Variants in GDAP1 observed in about 807,000 individuals in gnomAD.
GDAP1 encodes ganglioside-induced differentiation-associated protein 1.
GDAP1 carries 34 observed loss-of-function variants against 40.1 expected under a neutral mutation model. The ratio of observed to expected loss-of-function variants is 0.85; its 90% CI spans 0.64 to 1.13. The LOEUF is 1.13. GDAP1 is among the 50% of genes most tolerant of loss of function. The pLI is 0.00. For missense variants in GDAP1, 374 were observed against 433.7 expected, an observed-to-expected ratio of 0.86 and a Z score of 1.22; for synonymous variants, 170 against 157.4, an observed-to-expected ratio of 1.08 and a Z score of -0.60.
At chr8:74,463,277 C>A (rs1421104678) in intron 2 of GDAP1, among the ~76,000 whole-genome samples, 1 of 140,790 alleles carries the variant, frequency 7.1e-6, no homozygotes, top group Non-Finnish European at 1.5e-5. Flanking sequence ...CATAGGGAGA[C>A]CCCATATGTA....
chr8:74,454,813 T>C (rs1025134316), intron 2 of GDAP1, among the ~76,000 whole-genome samples: 1 of 149,646 alleles, frequency 6.7e-6, no homozygotes, highest in African/African-American at 2.5e-5. Context: ...ACTACTTAGA[T>C]CAAATTAAAT....
In GDAP1 at chr8:74,351,478, G is replaced by T; in HGVS notation, c.310+12G>T. 2 of 1,590,910 alleles carry T rather than the reference G, an allele frequency of 1.3e-6. No individual in the cohort carries two copies. The highest frequency in any genetic ancestry group is 8.6e-7 in the Non-Finnish European group (1 of 1,158,848). On this transcript the variant is annotated intron_variant, in intron 2 of 5. Transcript: ENST00000220822. Reference sequence around the variant, plus strand: ...GACTTTCCTGGATGGTAATGTTAAGGCTACTTGCGATTTCTTGGATTTACT... The same window carrying T: ...GACTTTCCTGGATGGTAATGTTAAGTCTACTTGCGATTTCTTGGATTTACT...
At chr8:74,406,272 A>G (rs1805639631) in intron 2 of GDAP1, among the ~76,000 whole-genome samples, 1 of 150,346 alleles carries the variant, frequency 6.7e-6, no homozygotes, top group Non-Finnish European at 1.5e-5. Flanking sequence ...TGTTGAGAAT[A>G]TTTGTGGTTC....
At chr8:74,418,050 G>A (rs995654014) in intron 2 of GDAP1, among the ~76,000 whole-genome samples, 1 of 152,174 alleles carries the variant, frequency 6.6e-6, no homozygotes, top group Non-Finnish European at 1.5e-5. Context: ...GCCTAGATAA[G>A]TGGAGAGACA....
At chr8:74,446,468 C>A (rs911357747) in intron 2 of GDAP1, among the ~76,000 whole-genome samples, 54 of 152,024 alleles carry the variant, frequency 3.6e-4, no homozygotes, top group African/African-American at 1.2e-3. Context: ...CATGAAGCAC[C>A]CCTTGAGAGA....
intron 2 of GDAP1, among the ~76,000 whole-genome samples, chr8:74,459,480 A>G (rs1016417280): frequency 2.6e-5 from 4 of 152,190 alleles, no homozygotes; most frequent in African/African-American, 9.7e-5. Flanking sequence ...GGGATTCTGC[A>G]TTTTGACAGG....
At chr8:74,437,131 A>G (rs1806102803) in intron 2 of GDAP1, among the ~76,000 whole-genome samples, 1 of 152,252 alleles carries the variant, frequency 6.6e-6, no homozygotes, top group Non-Finnish European at 1.5e-5. Flanking sequence ...TTATACGTTC[A>G]TGCCTCGAGT....
In GDAP1 at chr8:74,454,489, A is replaced by G. The variant is rs1222885083; in HGVS notation, c.166-34189A>G. On this transcript the variant is annotated intron_variant, in intron 2 of 2. Coordinates refer to the GDAP1 transcript ENST00000523640. Reference sequence around the variant, plus strand: ...CCATTCCCCTGCCAGTTCAGAATACATTTGTACAGAAAGCAGATCGCATAT... The same window carrying G: ...CCATTCCCCTGCCAGTTCAGAATACGTTTGTACAGAAAGCAGATCGCATAT... 2.4e-5 allele frequency among the ~76,000 whole-genome samples: 2 copies of G among 83,470 alleles called. 1 individual carries two copies. Among genetic ancestry groups the G allele is most frequent in the Non-Finnish European group, 4.9e-5 (2 of 41,002 alleles). The allele number at this position is 83,470 out of a possible 152,430, so 54.8% of individuals were successfully genotyped here. A position where few individuals can be genotyped will look rare whatever the true frequency, so the allele number is the denominator to read the frequency against.
chr8:74,400,036 G>A (rs533624893), intron 2 of GDAP1, among the ~76,000 whole-genome samples: 1 of 146,516 alleles, frequency 6.8e-6, no homozygotes, highest in Non-Finnish European at 1.5e-5. Context: ...GTTGATTTGG[G>A]GTGGAGAGTT....
chr8:74,350,534 A>G lies in GDAP1; in HGVS notation c.73A>G (p.Lys25Glu). 34 of 1,613,012 alleles carry G rather than the reference A, an allele frequency of 2.1e-5. No individual in the cohort carries two copies. Among genetic ancestry groups the G allele is most frequent in the Non-Finnish European group, 2.8e-5 (33 of 1,178,954 alleles). ...RAEGKADAEV[K>E]LILYHWTHSF... ...GGAAGGCAAGGCCGACGCGGAGGTTAAGCTCATTCTGTACCATTGGACGCA... is the reference window on the plus strand; with the variant it reads ...GGAAGGCAAGGCCGACGCGGAGGTTGAGCTCATTCTGTACCATTGGACGCA... The change falls in exon 1 of 6, where the codon AAG becomes GAG. Residue 25 changes from lysine to glutamate, a missense_variant. Transcript: ENST00000220822.
intron 2 of GDAP1, among the ~76,000 whole-genome samples, chr8:74,461,875 C>A (rs1806405967): frequency 6.6e-6 from 1 of 152,144 alleles, no homozygotes; most frequent in East Asian, 1.9e-4. Context: ...TCTCATAAAG[C>A]ACTGAAAGAT....
At chr8:74,422,347 T>TTATG (rs1805882722) in intron 2 of GDAP1, among the ~76,000 whole-genome samples, 4 of 41,144 alleles carry the variant, frequency 9.7e-5, no homozygotes, top group Non-Finnish European at 1.8e-4. Context: ...CTTTCTTTCT[T>TTATG]TCTTCCCTTC....
intron 2 of GDAP1, among the ~76,000 whole-genome samples, chr8:74,434,003 C>T (rs1235788880): frequency 6.6e-6 from 1 of 152,200 alleles, no homozygotes; most frequent in Non-Finnish European, 1.5e-5. Flanking sequence ...ATTCTTCCTC[C>T]TATGCATTTC....
Position 74,392,480 on chromosome 8 carries a change from T to C in GDAP1, c.165+41159T>C, listed in dbSNP as rs1011754863. The stretch of plus-strand genomic sequence containing the variant: ...TATGCTGATCTCAGTGGAAAATGTT[T>C]TCCTGATTACTGTTGTTGCATGCTT... On this transcript the variant is annotated intron_variant, in intron 2 of 2. Coordinates refer to the GDAP1 transcript ENST00000523640. 3.3e-5 allele frequency among the ~76,000 whole-genome samples: 5 copies of C among 151,238 alleles called. No individual in the cohort carries two copies. In the East Asian group the frequency reaches 9.6e-4, roughly 29 times the overall value.
chr8:74,353,277 A>G (rs962268332), intron 2 of GDAP1, among the ~76,000 whole-genome samples: 2 of 152,224 alleles, frequency 1.3e-5, no homozygotes. Flanking sequence ...TGGTTGAACT[A>G]TTATTGTAAC....
chr8:74,416,319 T>C (rs1164152711), intron 2 of GDAP1, among the ~76,000 whole-genome samples: 1 of 150,100 alleles, frequency 6.7e-6, no homozygotes, highest in East Asian at 1.9e-4. Flanking sequence ...GAGACGCCAT[T>C]GAGCCTCCCC....
At chr8:74,422,560 G>C (rs904586805) in intron 2 of GDAP1, among the ~76,000 whole-genome samples, 6 of 124,222 alleles carry the variant, frequency 4.8e-5, no homozygotes, top group Non-Finnish European at 9.5e-5. Flanking sequence ...AAACAGCTCT[G>C]AGCTTAATTC....
At chr8:74,357,368 G>T (rs920045561) in intron 2 of GDAP1, among the ~76,000 whole-genome samples, 1 of 152,038 alleles carries the variant, frequency 6.6e-6, no homozygotes, top group African/African-American at 2.4e-5. Context: ...TTTTACTCTT[G>T]GGAAAACCAA....
chr8:74,371,006 G>C (rs1050064275), downstream of GDAP1, among the ~76,000 whole-genome samples: 1 of 152,194 alleles, frequency 6.6e-6, no homozygotes, highest in African/African-American at 2.4e-5. Flanking sequence ...GTTAGTTGGA[G>C]ATTTTGTCAC....
Sources: allele counts gnomAD v4.1 joint callset (sites outside exome capture counted in the v4.1 genomes callset), GRCh38; gene constraint gnomAD v4.1.1; transcripts MANE v1.5; gene names NCBI Gene and HGNC (gene_info 2026-07-23, HGNC 2026-07-21).